EHBP1: variants seen among roughly 807,000 people sequenced by gnomAD.
EHBP1 encodes the protein EH domain binding protein 1.
EHBP1 carries 55 observed loss-of-function variants against 144.0 expected under a neutral mutation model. The observed-to-expected ratio is 0.38, with a 90% CI of 0.31 to 0.48. The LOEUF (loss-of-function observed/expected upper bound fraction) is 0.48, where lower values mean the gene tolerates loss of function less well. EHBP1 is among the 20% of genes least tolerant of loss of function. The pLI is 0.98. For synonymous variants in EHBP1, 469 were observed against 472.7 expected (o/e 0.99, Z 0.10); for missense variants, 1,200 against 1,364.2 (o/e 0.88, Z 1.90).
chr2:62,865,004 T>G (rs1462774832), intron 9 of EHBP1, 33 bp downstream of exon 9: 3 of 1,606,334 alleles, frequency 1.9e-6, no homozygotes, highest in Non-Finnish European at 2.5e-6. Flanking sequence ...TCATCACAAG[T>G]TAGTCTCTAT....
intron 19 of EHBP1, among the ~76,000 whole-genome samples, chr2:63,022,772 C>G (rs188264975): frequency 3.3e-5 from 5 of 152,342 alleles, no homozygotes; most frequent in African/African-American, 1.2e-4. Flanking sequence ...CTTGTCACTT[C>G]TGAGCTGAAA....
chr2:62,997,427 CATGTGTGTGTGTGTGTGTGT>C (rs1167912736), intron 19 of EHBP1, among the ~76,000 whole-genome samples: 15 of 139,980 alleles, frequency 1.1e-4, no homozygotes, highest in East Asian at 4.3e-4. Flanking sequence ...GAAAGGAACT[CATGTGTGTGTGTGTGTGTGT>C]GTGTGTGTGT....
intron 10 of EHBP1, among the ~76,000 whole-genome samples, chr2:62,890,545 T>C (rs2052370582): frequency 6.6e-6 from 1 of 152,174 alleles, no homozygotes; most frequent in South Asian, 2.1e-4. Flanking sequence ...AGCTCGACTG[T>C]TTTTGGTGTG....
At chr2:62,810,963 G>A (rs2044952255) in intron 5 of EHBP1, among the ~76,000 whole-genome samples, 1 of 151,992 alleles carries the variant, frequency 6.6e-6, no homozygotes, top group East Asian at 1.9e-4. Flanking sequence ...TTTTCAATTT[G>A]GACATTCTAC....
At chr2:63,007,411 G>T (rs573575051) in intron 19 of EHBP1, among the ~76,000 whole-genome samples, 1 of 151,760 alleles carries the variant, frequency 6.6e-6, no homozygotes, top group Non-Finnish European at 1.5e-5. Flanking sequence ...TTCTTTTTGT[G>T]GCATGCATAG....
intron 5 of EHBP1, among the ~76,000 whole-genome samples, chr2:62,807,185 C>T (rs1179086133): frequency 1.3e-5 from 2 of 152,216 alleles, no homozygotes; most frequent in African/African-American, 4.8e-5. Context: ...ATACGCATAA[C>T]AATACGTGAT....
intron 3 of EHBP1, among the ~76,000 whole-genome samples, chr2:62,750,414 G>A (rs553818491): frequency 6.6e-6 from 1 of 152,282 alleles, no homozygotes; most frequent in East Asian, 1.9e-4. Flanking sequence ...AAGTCAGGTA[G>A]CATGATGCCT....
chr2:62,726,218 T>C (rs1350244463), intron 2 of EHBP1, among the ~76,000 whole-genome samples: 1 of 152,114 alleles, frequency 6.6e-6, no homozygotes, highest in Non-Finnish European at 1.5e-5. Flanking sequence ...CCCTACCACT[T>C]CTCTAAGCAG....
At chr2:62,856,371 A>C (rs62179328) in intron 7 of EHBP1, among the ~76,000 whole-genome samples, 4,335 of 152,282 alleles carry the variant, frequency 0.028, 83 homozygotes, top group Non-Finnish European at 0.045. Flanking sequence ...CCACGTTCCC[A>C]GTGCCAGATG....
intron 2 of EHBP1, among the ~76,000 whole-genome samples, chr2:62,728,138 A>G (rs2037023100): frequency 6.6e-6 from 1 of 152,084 alleles, no homozygotes; most frequent in South Asian, 2.1e-4. Flanking sequence ...GAAGTGGGAC[A>G]CTCCACAACC....
At chr2:62,771,247 C>T in intron 4 of EHBP1, 92 bp from the exon 5 acceptor site, 4 of 822,600 alleles carry the variant, frequency 4.9e-6, no homozygotes, top group Non-Finnish European at 5.5e-6. Flanking sequence ...CTAGTAAAAG[C>T]TAAAAACAAG....
chr2:62,750,697 A>ATGTCCTGGGCT (rs1179716012), intron 3 of EHBP1, among the ~76,000 whole-genome samples: 7 of 152,176 alleles, frequency 4.6e-5, no homozygotes, highest in Non-Finnish European at 1.0e-4. Context: ...GAAGTCCTTC[A>ATGTCCTGGGCT]CATCCCTTGT....
At chr2:62,819,042 G>T (rs1271195041) in intron 5 of EHBP1, among the ~76,000 whole-genome samples, 1 of 152,068 alleles carries the variant, frequency 6.6e-6, no homozygotes, top group African/African-American at 2.4e-5. Context: ...AATGTAACCA[G>T]GGAGCATAAA....
At chr2:62,858,095 T>G (rs1285572418) in intron 7 of EHBP1, among the ~76,000 whole-genome samples, 1 of 152,186 alleles carries the variant, frequency 6.6e-6, no homozygotes, top group Non-Finnish European at 1.5e-5. Context: ...ACAGCTCTAT[T>G]TTGTAAATGT....
intron 3 of EHBP1, among the ~76,000 whole-genome samples, chr2:62,754,735 G>A (rs1558613873): frequency 6.6e-6 from 1 of 152,176 alleles, no homozygotes; most frequent in Non-Finnish European, 1.5e-5. Context: ...TTCAATCTCC[G>A]ACTGCTGTAC....
intron 19 of EHBP1, among the ~76,000 whole-genome samples, chr2:63,036,460 A>G (rs969144681): frequency 1.3e-5 from 2 of 151,964 alleles, no homozygotes; most frequent in African/African-American, 4.8e-5. Flanking sequence ...TTGACATTTT[A>G]CGTGAAAAGA....
intron 21 of EHBP1, among the ~76,000 whole-genome samples, chr2:63,041,782 C>G (rs1372203608): frequency 2.6e-5 from 4 of 152,132 alleles, no homozygotes; most frequent in African/African-American, 9.7e-5. Flanking sequence ...ACTGCAATCC[C>G]CCAATGTGCT....
intron 3 of EHBP1, 29 bp downstream of exon 3, chr2:62,747,481 A>C: frequency 6.4e-7 from 1 of 1,551,004 alleles, no homozygotes; most frequent in Non-Finnish European, 8.8e-7. Context: ...TTTCTTACCT[A>C]ATTGTTGAAT....
chr2:62,792,065 C>T (rs1419593484), intron 5 of EHBP1, among the ~76,000 whole-genome samples: 1 of 152,028 alleles, frequency 6.6e-6, no homozygotes, highest in Non-Finnish European at 1.5e-5. Context: ...CAACATTAGA[C>T]ACTTTGTTAT....
Sources: gnomAD v4.1 joint callset for allele counts (sites outside exome capture counted in the v4.1 genomes callset) on GRCh38, gnomAD v4.1.1 for gene constraint, MANE v1.5 for transcripts, NCBI Gene and HGNC (gene_info 2026-07-23, HGNC 2026-07-21) for gene names.